FBLN5: variants seen among roughly 807,000 people sequenced by gnomAD.
The protein encoded by FBLN5 is fibulin-5.
In FBLN5, 24 loss-of-function variants were observed where a neutral mutation model predicts 61.6. The observed-to-expected ratio is 0.39, with a 90% CI of 0.28 to 0.55. The LOEUF (loss-of-function observed/expected upper bound fraction) is 0.55. FBLN5 is among the 20% of genes least tolerant of loss of function. The probability of loss-of-function intolerance (pLI) is 0.65; values close to 1 mark genes in which losing one functional copy is unlikely to be tolerated. For missense variants in FBLN5, 470 were observed against 594.1 expected (o/e 0.79, Z 2.17); for synonymous variants, 213 against 219.8 (o/e 0.97, Z 0.27).
intron 9 of FBLN5, among the ~76,000 whole-genome samples, 178 bp downstream of exon 9, chr14:91,881,114 C>T (rs1889423344): frequency 9.5e-6 from 1 of 104,784 alleles, no homozygotes; most frequent in Non-Finnish European, 1.9e-5. Context: ...CTACTCTGTT[C>T]TATTCTACAC....
intron 9 of FBLN5, among the ~76,000 whole-genome samples, chr14:91,879,796 C>A (rs1889334478): frequency 6.6e-6 from 1 of 152,240 alleles, no homozygotes; most frequent in South Asian, 2.1e-4. Flanking sequence ...GTGGGTACCA[C>A]TGGTAAGCCA....
rs1238814403 is a variant in FBLN5, at chr14:91,908,034, C to A, written c.380-12962G>T. Among the ~76,000 whole-genome samples, 4 of 152,282 alleles carry A rather than the reference C, an allele frequency of 2.6e-5. No individual in the cohort carries two copies. In the South Asian group the frequency reaches 8.3e-4, roughly 32 times the overall value. ...TATATTCACTGACACTAAAGGGTTGCGTCAAGAGTCTGCTCATAAGTGCCT... is the reference window on the plus strand; with the variant it reads ...TATATTCACTGACACTAAAGGGTTGAGTCAAGAGTCTGCTCATAAGTGCCT... On this transcript the variant is annotated intron_variant, in intron 4 of 10. Transcript: ENST00000342058.
chr14:91,917,017 G>C (rs996781442), intron 4 of FBLN5, among the ~76,000 whole-genome samples: 11 of 152,202 alleles, frequency 7.2e-5, no homozygotes, highest in African/African-American at 2.7e-4. Context: ...ATGGGCTTGT[G>C]ACCCATGCTG....
Position 91,895,070 on chromosome 14 carries a change from C to T in FBLN5, c.382G>A (p.Val128Met), listed in dbSNP as rs1890165533. 2 of 1,613,970 alleles carry T rather than the reference C, an allele frequency of 1.2e-6. No homozygotes were observed. Among genetic ancestry groups the T allele is most frequent in the Middle Eastern group, 1.6e-4 (1 of 6,084 alleles). ...TGGGAATCTGTTGCACACTCGTCCA[C>T]ATCTGTAATACAGACATAGTCCAAA... The part of the protein sequence containing the change: ...QMDESNQCVD[V>M]DECATDSHQC... Residue 128 changes from valine (V) to methionine (M), a missense_variant and splice_region_variant, in exon 5 of 11, where the codon GTG becomes ATG. Val to Met is a conservative substitution (Grantham distance 21). Transcript: ENST00000342058.
intron 9 of FBLN5, among the ~76,000 whole-genome samples, 165 bp downstream of exon 9, chr14:91,881,122 CACACA>C (rs1326596650): frequency 1.1e-3 from 1 of 920 alleles, no homozygotes; most frequent in African/African-American, 1.3e-3. Flanking sequence ...TTCTATTCTA[CACACA>C]CACACACACA....
chr14:91,912,109 C>A (rs1238398100), intron 4 of FBLN5, among the ~76,000 whole-genome samples: 2 of 152,224 alleles, frequency 1.3e-5, no homozygotes, highest in Non-Finnish European at 2.9e-5. Flanking sequence ...AATGTATAAA[C>A]ACTGCCATAT....
chr14:91,899,411 C>T (rs919070441), intron 4 of FBLN5, among the ~76,000 whole-genome samples: 4 of 152,196 alleles, frequency 2.6e-5, no homozygotes, highest in Non-Finnish European at 5.9e-5. Flanking sequence ...TGGAGGAAAG[C>T]GCTCACCAGC....
At chr14:91,889,660 T>A (rs1204718981) in intron 6 of FBLN5, among the ~76,000 whole-genome samples, 1 of 152,228 alleles carries the variant, frequency 6.6e-6, no homozygotes, top group African/African-American at 2.4e-5. Context: ...TGCTCTAGCG[T>A]GTACAGCACT....
intron 4 of FBLN5, among the ~76,000 whole-genome samples, chr14:91,922,773 T>C (rs912149300): frequency 6.6e-6 from 1 of 152,178 alleles, no homozygotes; most frequent in African/African-American, 2.4e-5. Context: ...GCTTGCAAAC[T>C]TCCCCCAGGA....
chr14:91,909,523 G>C (rs562569879), intron 4 of FBLN5, among the ~76,000 whole-genome samples: 1 of 152,176 alleles, frequency 6.6e-6, no homozygotes, highest in South Asian at 2.1e-4. Context: ...TTCTTAGGTC[G>C]ATTACAGCTG....
chr14:91,912,891 T>C (rs1196283137), intron 4 of FBLN5, among the ~76,000 whole-genome samples: 1 of 152,058 alleles, frequency 6.6e-6, no homozygotes, highest in Non-Finnish European at 1.5e-5. Flanking sequence ...AAAGAGGTTG[T>C]TGATCCAAAA....
At chr14:91,914,492 A>C (rs1043567449) in intron 4 of FBLN5, among the ~76,000 whole-genome samples, 24 of 150,354 alleles carry the variant, frequency 1.6e-4, no homozygotes, top group Admixed American at 6.6e-4. Flanking sequence ...AAAAAAAAAA[A>C]AAAAAAAAAC....
chr14:91,912,996 T>C (rs906092020), intron 4 of FBLN5, among the ~76,000 whole-genome samples: 15 of 152,218 alleles, frequency 9.9e-5, no homozygotes, highest in African/African-American at 3.6e-4. Context: ...CAATGTGTAT[T>C]AACTCAATAT....
At chr14:91,878,178 C>A (rs1401958107) in intron 9 of FBLN5, 14 of 300,440 alleles carry the variant, frequency 4.7e-5, no homozygotes, top group Non-Finnish European at 7.7e-5. Context: ...CGAATATAAT[C>A]AAATCTTGTC....
At chr14:91,892,570 T>C (rs749177191) in intron 5 of FBLN5, among the ~76,000 whole-genome samples, 18 of 152,338 alleles carry the variant, frequency 1.2e-4, no homozygotes, top group Non-Finnish European at 2.1e-4. Context: ...ACTTCTAACC[T>C]GGCCACTGCA....
At chr14:91,929,057 C>CA (rs1196370267) in intron 4 of FBLN5, among the ~76,000 whole-genome samples, 4 of 144,536 alleles carry the variant, frequency 2.8e-5, no homozygotes, top group East Asian at 2.0e-4. Flanking sequence ...GACTCCATCT[C>CA]AAAAAAAAAG....
At chr14:91,903,080 A>G (rs1322014580) in intron 4 of FBLN5, among the ~76,000 whole-genome samples, 4 of 152,150 alleles carry the variant, frequency 2.6e-5, no homozygotes, top group South Asian at 2.1e-4. Flanking sequence ...TCTCAAATAA[A>G]AGTTGAAACT....
In FBLN5 at chr14:91,943,271, G is replaced by A. The variant is rs1265380126; in HGVS notation, c.18-310C>T. Among the ~76,000 whole-genome samples, 1 of 152,094 alleles carries A rather than the reference G, an allele frequency of 6.6e-6. No homozygotes were observed. The highest frequency in any genetic ancestry group is 1.5e-5 in the Non-Finnish European group (1 of 68,024). Reference sequence around the variant, plus strand: ...CGCTTGTAATCCCAGCACTTTGAGAGGCTGAGGCAAGAGGATTGCTTGAAC... The same window carrying A: ...CGCTTGTAATCCCAGCACTTTGAGAAGCTGAGGCAAGAGGATTGCTTGAAC... On this transcript the variant is annotated intron_variant, in intron 1 of 10. Coordinates refer to ENST00000342058, the MANE Select transcript of FBLN5 (RefSeq NM_006329.4). The surrounding 1 kb of genome is among the most constrained non-coding windows in gnomAD (Gnocchi z 4.0).
chr14:91,942,915 T>C lies in FBLN5; in HGVS notation c.64A>G (p.Asn22Asp), dbSNP rs1250230579. 1 of 1,544,788 alleles carries C rather than the reference T, an allele frequency of 6.5e-7. No homozygotes were observed. The highest frequency in any genetic ancestry group is 2.0e-5 in the Admixed American group (1 of 51,054). ...AAAAATAAAAATCTTACCTGTGCATTCCCAGGGCTTGGAAGACAGAGAGCC... is the reference window on the plus strand; with the variant it reads ...AAAAATAAAAATCTTACCTGTGCATCCCCAGGGCTTGGAAGACAGAGAGCC... ...ILALCLPSPG[N>D]AQAQCTNGFD... Residue 22 changes from asparagine to aspartate, a missense_variant, in exon 2 of 11, where the codon AAT (asparagine) becomes GAT (aspartate). Coordinates refer to ENST00000342058, the MANE Select transcript of FBLN5 (RefSeq NM_006329.4).
Sources: allele counts gnomAD v4.1 joint callset (sites outside exome capture counted in the v4.1 genomes callset), GRCh38; gene constraint gnomAD v4.1.1; non-coding constraint Gnocchi (gnomAD v3.1); transcripts MANE v1.5; gene names NCBI Gene and HGNC (gene_info 2026-07-23, HGNC 2026-07-21).